Variants in FAM81B observed in about 807,000 individuals in gnomAD.
FAM81B encodes family with sequence similarity 81 member B.
A neutral mutation model predicts 58.7 loss-of-function variants in FAM81B; 60 were observed. That is an observed-to-expected ratio of 1.02 (90% CI 0.83 to 1.27). FAM81B has a LOEUF of 1.27. FAM81B is among the 50% of genes most tolerant of loss of function. The probability of loss-of-function intolerance (pLI) is 0.00; values close to 1 mark genes in which losing one functional copy is unlikely to be tolerated. For missense variants in FAM81B, 491 were observed against 522.0 expected (o/e 0.94, Z 0.58); for synonymous variants, 189 against 179.6 (o/e 1.05, Z -0.42).
chr5:95,395,323 G>C (rs1238130995), intron 2 of FAM81B, among the ~76,000 whole-genome samples: 1 of 151,326 alleles, frequency 6.6e-6, no homozygotes, highest in Non-Finnish European at 1.5e-5. Flanking sequence ...GGCGCCTGTC[G>C]TCCCAGCTAC....
In FAM81B at chr5:95,428,720, C is replaced by G. The variant is rs1255330931; in HGVS notation, c.774C>G (p.Asn258Lys). The change falls in exon 6 of 10, where the codon AAC becomes AAG. Residue 258 changes from asparagine to lysine, a missense_variant. Coordinates refer to ENST00000283357, the MANE Select transcript of FAM81B (RefSeq NM_152548.3). ...FVPALETLSKNLDMKVMQLLG... is the reference protein window; with the variant it reads ...FVPALETLSKKLDMKVMQLLG... Reference sequence around the variant, plus strand: ...CCGCCCTGGAAACTCTTTCCAAGAACTTGGACATGAAGGTAATTGAAAATA... The same window carrying G: ...CCGCCCTGGAAACTCTTTCCAAGAAGTTGGACATGAAGGTAATTGAAAATA... 6.2e-7 allele frequency: 1 copy of G among 1,613,854 alleles called. No homozygotes were observed.
chr5:95,422,893 C>T (rs1762725314), intron 5 of FAM81B, among the ~76,000 whole-genome samples: 1 of 152,184 alleles, frequency 6.6e-6, no homozygotes, highest in South Asian at 2.1e-4. Flanking sequence ...CCCCTTCAAT[C>T]AAAAGCAGTG....
At chr5:95,414,726 A>T (rs1394274761) in intron 4 of FAM81B, among the ~76,000 whole-genome samples, 9 of 152,198 alleles carry the variant, frequency 5.9e-5, no homozygotes, top group Non-Finnish European at 1.5e-5. Context: ...TCCCCTAGAT[A>T]TTCCTATGCA....
At chr5:95,391,928 G>T (rs1180670145) in intron 1 of FAM81B, among the ~76,000 whole-genome samples, 1 of 152,190 alleles carries the variant, frequency 6.6e-6, no homozygotes, top group East Asian at 1.9e-4. Context: ...GTTCAACCAT[G>T]TGGAAGACAG....
intron 3 of FAM81B, among the ~76,000 whole-genome samples, chr5:95,401,112 C>T (rs926852533): frequency 3.3e-5 from 5 of 152,142 alleles, no homozygotes; most frequent in Admixed American, 1.3e-4. Context: ...CTTTGTCAAC[C>T]TTGATGCCTC....
At chr5:95,409,823 A>G (rs1762360674) in intron 3 of FAM81B, among the ~76,000 whole-genome samples, 1 of 152,220 alleles carries the variant, frequency 6.6e-6, no homozygotes, top group Non-Finnish European at 1.5e-5. Context: ...ATCCTCAGAA[A>G]GCAAACAACC....
chr5:95,436,748 T>C lies in FAM81B; in HGVS notation c.787-52T>C. 3 of 1,135,020 alleles carry C rather than the reference T, an allele frequency of 2.6e-6. No homozygotes were observed. In the Admixed American group the frequency reaches 5.1e-5, roughly 19 times the overall value. The allele number at this position is 1,135,020 out of a possible 1,614,324, so 70.3% of individuals were successfully genotyped here. ...CTTAAAGGAATAAAGTATATTAATG[T>C]GAATGCTGGTGGTTTTGTTCATATG... is the stretch of plus-strand genomic sequence containing the variant. On this transcript the variant is annotated intron_variant, in intron 6 of 9. Transcript: ENST00000283357.
At chr5:95,392,660 T>A (rs1429148485) in intron 1 of FAM81B, 134 bp from the exon 2 acceptor site, 13 of 684,902 alleles carry the variant, frequency 1.9e-5, no homozygotes, top group Non-Finnish European at 3.3e-5. Flanking sequence ...AGGGGAAATG[T>A]AAAGCAAATT....
chr5:95,410,440 C>G (rs181272359), intron 3 of FAM81B, among the ~76,000 whole-genome samples: 1 of 152,264 alleles, frequency 6.6e-6, no homozygotes, highest in African/African-American at 2.4e-5. Flanking sequence ...CCAGAAAATG[C>G]TAATGTTCAC....
intron 5 of FAM81B, among the ~76,000 whole-genome samples, chr5:95,425,763 T>A (rs1480267124): frequency 1.3e-5 from 2 of 151,526 alleles, no homozygotes; most frequent in Non-Finnish European, 2.9e-5. Context: ...AATTAGCAAA[T>A]TTTTTTTTAA....
intron 3 of FAM81B, among the ~76,000 whole-genome samples, chr5:95,413,639 C>T (rs760247191): frequency 3.9e-5 from 6 of 152,096 alleles, no homozygotes; most frequent in Admixed American, 1.3e-4. Context: ...ATTTTTTCTA[C>T]GTTAAAGTAG....
At chr5:95,431,612 TTGTC>T (rs1449243010) in intron 6 of FAM81B, among the ~76,000 whole-genome samples, 7 of 152,142 alleles carry the variant, frequency 4.6e-5, no homozygotes, top group African/African-American at 1.7e-4. Flanking sequence ...TGCTTCCCAT[TTGTC>T]TGAGTTTGCT....
chr5:95,433,518 C>T (rs1744991306), intron 6 of FAM81B, among the ~76,000 whole-genome samples: 1 of 152,148 alleles, frequency 6.6e-6, no homozygotes, highest in South Asian at 2.1e-4. Flanking sequence ...GTTTTTTCCC[C>T]ACCCTCTGAG....
intron 7 of FAM81B, among the ~76,000 whole-genome samples, chr5:95,438,443 A>T (rs1295327403): frequency 6.6e-6 from 1 of 152,162 alleles, no homozygotes; most frequent in Non-Finnish European, 1.5e-5. Flanking sequence ...TAACAAGTGG[A>T]AAAGAGAGAA....
chr5:95,411,684 G>A (rs192065405), intron 3 of FAM81B, among the ~76,000 whole-genome samples: 7 of 152,186 alleles, frequency 4.6e-5, no homozygotes, highest in African/African-American at 1.4e-4. Context: ...GAGTCACTAC[G>A]GCATATGCAA....
Position 95,414,232 on chromosome 5 carries a change from T to C in FAM81B, c.537+42T>C, listed in dbSNP as rs369249212. 9 of 1,566,804 alleles carry C rather than the reference T, an allele frequency of 5.7e-6. No homozygotes were observed. In the African/African-American group the frequency reaches 6.8e-5, roughly 12 times the overall value. ...TTTATTTTGTTTTTGTTTTGTATTTTGGCAGCATTGCTTGATAAAGATTAT... is the reference window on the plus strand; with the variant it reads ...TTTATTTTGTTTTTGTTTTGTATTTCGGCAGCATTGCTTGATAAAGATTAT... On this transcript the variant is annotated intron_variant, in intron 4 of 9. Transcript: ENST00000283357.
At chr5:95,446,780 A>G in intron 8 of FAM81B, 83 bp downstream of exon 8, 1 of 1,534,998 alleles carries the variant, frequency 6.5e-7, no homozygotes, top group African/African-American at 1.4e-5. Flanking sequence ...TTTGTACTTC[A>G]ACATTTATGG....
At chr5:95,411,659 A>G (rs574784006) in intron 3 of FAM81B, among the ~76,000 whole-genome samples, 2 of 152,340 alleles carry the variant, frequency 1.3e-5, no homozygotes, top group South Asian at 4.1e-4. Flanking sequence ...GATAAGATTG[A>G]TCCAAAACTT....
intron 5 of FAM81B, among the ~76,000 whole-genome samples, chr5:95,422,997 A>G (rs1242295466): frequency 6.6e-6 from 1 of 152,200 alleles, no homozygotes; most frequent in Non-Finnish European, 1.5e-5. Context: ...AATTTGGCTA[A>G]CGGCCATGAG....
Sources: allele counts gnomAD v4.1 joint callset (sites outside exome capture counted in the v4.1 genomes callset), GRCh38; gene constraint gnomAD v4.1.1; transcripts MANE v1.5; gene names NCBI Gene and HGNC (gene_info 2026-07-23, HGNC 2026-07-21).